The following MEI4 variants were observed in gnomAD, a reference collection of about 807,000 sequenced individuals.
MEI4 encodes meiosis-specific protein MEI4.
MEI4 carries 27 observed loss-of-function variants against 31.4 expected under a neutral mutation model. The ratio of observed to expected loss-of-function variants is 0.86; its 90% CI spans 0.63 to 1.19. The LOEUF is 1.19. MEI4 is among the 50% of genes most tolerant of loss of function. MEI4 has a pLI of 0.00. For synonymous variants in MEI4, 122 were observed against 145.4 expected (o/e 0.84, Z 1.16); for missense variants, 329 against 398.9 (o/e 0.82, Z 1.49).
At chr6:77,799,000 A>G (rs1264033887) in intron 3 of MEI4, among the ~76,000 whole-genome samples, 2 of 152,082 alleles carry the variant, frequency 1.3e-5, no homozygotes, top group Non-Finnish European at 2.9e-5. Flanking sequence ...TCCTTTGGGT[A>G]TATACCCAGT....
In MEI4 at chr6:77,690,642, T is replaced by G; in HGVS notation, c.-14-16T>G. 8.6e-7 allele frequency: 1 copy of G among 1,159,718 alleles called. No individual in the cohort carries two copies. Among genetic ancestry groups the G allele is most frequent in the African/African-American group, 1.6e-5 (1 of 63,098 alleles). The allele number at this position is 1,159,718 out of a possible 1,614,324, so 71.8% of individuals were successfully genotyped here. ...TTAAAAAGAATTTCTATAACTTTTTTCTTATTAAATGATAGGGACAAAAGC... is the reference window on the plus strand; with the variant it reads ...TTAAAAAGAATTTCTATAACTTTTTGCTTATTAAATGATAGGGACAAAAGC... On this transcript the variant is annotated splice_polypyrimidine_tract_variant and intron_variant, in intron 1 of 4. Transcript: ENST00000684080.
intron 4 of MEI4, among the ~76,000 whole-genome samples, chr6:77,881,968 A>G (rs1033143): frequency 0.83 from 125,720 of 152,224 alleles, 52,432 homozygotes; most frequent in East Asian, 0.95. Flanking sequence ...GGCACTGCAG[A>G]TTACAGGCGC....
chr6:77,864,581 C>G (rs553762594), intron 4 of MEI4, among the ~76,000 whole-genome samples: 37 of 152,288 alleles, frequency 2.4e-4, no homozygotes, highest in African/African-American at 8.7e-4. Context: ...ATGCATAAAG[C>G]AAGTCCTTAG....
chr6:77,655,075 GC>G (rs1375431900), intron 1 of MEI4, among the ~76,000 whole-genome samples: 1 of 151,850 alleles, frequency 6.6e-6, no homozygotes, highest in Non-Finnish European at 1.5e-5. Flanking sequence ...CCTCTGACAG[GC>G]CCCGGTGTGT....
chr6:77,898,260 G>A (rs1397198012), intron 4 of MEI4, among the ~76,000 whole-genome samples: 2 of 151,934 alleles, frequency 1.3e-5, no homozygotes, highest in Non-Finnish European at 2.9e-5. Flanking sequence ...AAAATTGACT[G>A]CCTTCTTTAC....
intron 3 of MEI4, among the ~76,000 whole-genome samples, chr6:77,795,888 A>C (rs957692030): frequency 6.6e-6 from 1 of 152,156 alleles, no homozygotes; most frequent in Non-Finnish European, 1.5e-5. Flanking sequence ...AGAAGTGAAC[A>C]CTTCGAAACT....
intron 2 of MEI4, among the ~76,000 whole-genome samples, chr6:77,710,329 C>T (rs191929958): frequency 6.6e-6 from 1 of 151,916 alleles, no homozygotes; most frequent in East Asian, 1.9e-4. Context: ...CAAGACCATC[C>T]TGGCCAACGT....
intron 3 of MEI4, among the ~76,000 whole-genome samples, chr6:77,797,028 TAAAC>T (rs1354329634): frequency 1.3e-5 from 2 of 152,050 alleles, no homozygotes; most frequent in African/African-American, 4.8e-5. Flanking sequence ...ACCTCAAAAA[TAAAC>T]ACACATGTGT....
At chr6:77,800,286 G>A (rs1769212690) in intron 3 of MEI4, among the ~76,000 whole-genome samples, 1 of 152,088 alleles carries the variant, frequency 6.6e-6, no homozygotes, top group African/African-American at 2.4e-5. Flanking sequence ...TCATGATTCG[G>A]CTCTCTGTTT....
intron 4 of MEI4, among the ~76,000 whole-genome samples, chr6:77,875,174 T>A (rs570379498): frequency 6.6e-6 from 1 of 152,254 alleles, no homozygotes; most frequent in Non-Finnish European, 1.5e-5. Context: ...CCATCTCCTG[T>A]TTTGGTCTCT....
chr6:77,729,023 T>G lies in MEI4; in HGVS notation c.233-32107T>G, dbSNP rs151223859. Among the ~76,000 whole-genome samples the G allele has an allele frequency of 2.5e-3, 381 of 152,304 alleles. 1 individual carries two copies. Among genetic ancestry groups the G allele is most frequent in the African/African-American group, 9.1e-3 (378 of 41,558 alleles). ...CAGTTAGAACATGTAAGGCTCTACT[T>G]TCACAAAATAGAAAGTAAGTGAAGA... On this transcript the variant is annotated intron_variant, in intron 2 of 4. Coordinates refer to ENST00000684080, the MANE Select transcript of MEI4 (RefSeq NM_001322247.2).
chr6:77,864,599 C>T (rs1175278557), intron 4 of MEI4, among the ~76,000 whole-genome samples: 1 of 152,106 alleles, frequency 6.6e-6, no homozygotes, highest in East Asian at 1.9e-4. Context: ...TAGAGACCTA[C>T]AAAGAGACTT....
chr6:77,697,165 T>C (rs1766070482), intron 2 of MEI4, among the ~76,000 whole-genome samples: 1 of 152,202 alleles, frequency 6.6e-6, no homozygotes, highest in South Asian at 2.1e-4. Flanking sequence ...CTTTTCTTCT[T>C]TATTAGTGTT....
At chr6:77,735,826 TTC>T (rs1309397610) in intron 2 of MEI4, among the ~76,000 whole-genome samples, 1 of 152,062 alleles carries the variant, frequency 6.6e-6, no homozygotes, top group African/African-American at 2.4e-5. Context: ...TGGATGTACT[TTC>T]TGTTTATTAG....
At chr6:77,834,685 G>A (rs1770171161) in intron 4 of MEI4, among the ~76,000 whole-genome samples, 1 of 152,054 alleles carries the variant, frequency 6.6e-6, no homozygotes, top group African/African-American at 2.4e-5. Context: ...AGATAGTGAG[G>A]CTCACATTTA....
intron 4 of MEI4, among the ~76,000 whole-genome samples, chr6:77,909,229 A>G (rs1457588116): frequency 6.6e-6 from 1 of 152,000 alleles, no homozygotes; most frequent in African/African-American, 2.4e-5. Flanking sequence ...ACATGGATAG[A>G]GACACAAAAA....
chr6:77,688,100 A>G (rs549260285), intron 1 of MEI4, among the ~76,000 whole-genome samples: 22 of 152,112 alleles, frequency 1.4e-4, no homozygotes, highest in Non-Finnish European at 2.2e-4. Flanking sequence ...AAGGCCAAAT[A>G]TATCTTTCTT....
At chr6:77,775,416 T>G (rs1050847651) in intron 3 of MEI4, among the ~76,000 whole-genome samples, 4 of 152,146 alleles carry the variant, frequency 2.6e-5, no homozygotes, top group Non-Finnish European at 5.9e-5. Context: ...CTCCCACTTA[T>G]GAGTGAGAAC....
intron 4 of MEI4, among the ~76,000 whole-genome samples, chr6:77,839,514 C>G (rs1031955524): frequency 6.6e-6 from 1 of 152,054 alleles, no homozygotes; most frequent in Non-Finnish European, 1.5e-5. Context: ...GAGACAGACT[C>G]CAAACAACAT....
Sources: allele counts gnomAD v4.1 joint callset (sites outside exome capture counted in the v4.1 genomes callset), GRCh38; gene constraint gnomAD v4.1.1; transcripts MANE v1.5; gene names NCBI Gene and HGNC (gene_info 2026-07-23, HGNC 2026-07-21).